The following DAB2IP variants were observed in gnomAD, a reference collection of about 807,000 sequenced individuals.
DAB2IP encodes the protein disabled homolog 2-interacting protein.
In DAB2IP, 28 loss-of-function variants were observed where a neutral mutation model predicts 107.2. The observed-to-expected ratio is 0.26, with a 90% confidence interval of 0.19 to 0.36. The LOEUF (loss-of-function observed/expected upper bound fraction) is 0.36. DAB2IP is among the 10% of genes least tolerant of loss of function. The pLI is 1.00. For synonymous variants in DAB2IP, 755 were observed against 706.4 expected, an observed-to-expected ratio of 1.07 and a Z score of -1.09; for missense variants, 1,400 against 1,644.7, an observed-to-expected ratio of 0.85 and a Z score of 2.57.
intron 1 of DAB2IP, among the ~76,000 whole-genome samples, chr9:121,573,993 A>G (rs1050848844): frequency 1.3e-5 from 2 of 152,116 alleles, no homozygotes; most frequent in South Asian, 2.1e-4. Context: ...TCAGCTGGCC[A>G]AGGCGAGAGG....
At chr9:121,730,920 G>A (rs1831497213) in intron 3 of DAB2IP, among the ~76,000 whole-genome samples, 3 of 152,216 alleles carry the variant, frequency 2.0e-5, no homozygotes, top group Admixed American at 2.0e-4. Flanking sequence ...TGTGCACCAT[G>A]TGCCAGGCAC....
chr9:121,706,515 A>G (rs946571713), intron 3 of DAB2IP, among the ~76,000 whole-genome samples: 1 of 151,724 alleles, frequency 6.6e-6, no homozygotes, highest in African/African-American at 2.4e-5. Context: ...TTGCTTGCAC[A>G]CCCCTTCCTT....
chr9:121,632,612 C>G (rs977212409), intron 1 of DAB2IP, among the ~76,000 whole-genome samples: 2 of 152,176 alleles, frequency 1.3e-5, no homozygotes, highest in African/African-American at 2.4e-5. Flanking sequence ...CTCCCACCCC[C>G]CAGGAAGGGT....
chr9:121,651,609 C>T lies in DAB2IP; in HGVS notation c.-167C>T, dbSNP rs1832740686. The T allele has an allele frequency of 9.9e-7, 1 of 1,009,542 alleles. No homozygotes were observed. Among genetic ancestry groups the T allele is most frequent in the Non-Finnish European group, 1.2e-6 (1 of 837,210 alleles). 62.5% of individuals were successfully genotyped at this position (1,009,542 alleles called of 1,614,324 possible). ...CGGCTGCTCGGGGAGCGGGAGGGGG[C>T]AGGAGGCGGAGGAGGAGTTTGAGCG... On this transcript the variant is annotated 5_prime_UTR_variant, in exon 1 of 16. Coordinates refer to ENST00000408936, the Ensembl canonical transcript of DAB2IP. This position sits in a 1 kb window ranked among gnomAD's most constrained non-coding sequence, Gnocchi z 5.1.
chr9:121,691,727 T>C (rs1589524252), intron 2 of DAB2IP, among the ~76,000 whole-genome samples: 1 of 152,142 alleles, frequency 6.6e-6, no homozygotes, highest in South Asian at 2.1e-4. Context: ...CATTAAGTGG[T>C]GGAATCCCCT....
chr9:121,770,461 G>A (rs1254706405), intron 10 of DAB2IP, 85 bp from the exon 11 acceptor site: 2 of 1,486,536 alleles, frequency 1.3e-6, no homozygotes, highest in Non-Finnish European at 1.8e-6. Context: ...CTCCGCAGTG[G>A]TTTTGAGCCA....
At chr9:121,571,978 G>T (rs1363275213) in intron 1 of DAB2IP, among the ~76,000 whole-genome samples, 1 of 137,784 alleles carries the variant, frequency 7.3e-6, no homozygotes, top group Non-Finnish European at 1.6e-5. Context: ...TGTAAATTGG[G>T]GTGACGGCCA....
chr9:121,740,217 G>A (rs1832238913), intron 3 of DAB2IP, among the ~76,000 whole-genome samples: 1 of 152,198 alleles, frequency 6.6e-6, no homozygotes, highest in Non-Finnish European at 1.5e-5. Context: ...AGCTGACCCA[G>A]TGGATCTCAG....
At chr9:121,579,687 A>G (rs1219665182) in intron 1 of DAB2IP, among the ~76,000 whole-genome samples, 2 of 152,130 alleles carry the variant, frequency 1.3e-5, no homozygotes, top group African/African-American at 4.8e-5. Flanking sequence ...GGCCTTGTCC[A>G]TCGATCTGTC....
At chr9:121,691,477 C>T (rs979171502) in intron 2 of DAB2IP, among the ~76,000 whole-genome samples, 2 of 149,930 alleles carry the variant, frequency 1.3e-5, no homozygotes, top group South Asian at 2.1e-4. Context: ...GCCGAGATCG[C>T]GCCACTGCAC....
At chr9:121,657,449 A>G (rs1044040228) in intron 1 of DAB2IP, among the ~76,000 whole-genome samples, 3 of 152,144 alleles carry the variant, frequency 2.0e-5, no homozygotes, top group Admixed American at 1.3e-4. Context: ...GCCCGGCCCC[A>G]TGCCAAGAGC....
At chr9:121,758,505 CCTTTAGGGAAAG>C (rs1482554291) in intron 4 of DAB2IP, among the ~76,000 whole-genome samples, 1 of 152,184 alleles carries the variant, frequency 6.6e-6, no homozygotes, top group African/African-American at 2.4e-5. Context: ...TGTGGTTCCG[CCTTTAGGGAAAG>C]TACGCTCGGG....
At chr9:121,715,927 C>T (rs1177733572) in intron 3 of DAB2IP, among the ~76,000 whole-genome samples, 1 of 152,160 alleles carries the variant, frequency 6.6e-6, no homozygotes. Context: ...TAAGGAGAGT[C>T]CAGGCATTTC....
intron 1 of DAB2IP, among the ~76,000 whole-genome samples, chr9:121,667,360 G>C (rs897177844): frequency 6.6e-6 from 1 of 151,844 alleles, no homozygotes; most frequent in African/African-American, 2.4e-5. Flanking sequence ...TTGGCTTCCT[G>C]CTCAGTTCAC....
rs115266772 is a variant in DAB2IP at position 121,660,321 on chromosome 9, G to C, written c.124+8422G>C. The stretch of plus-strand genomic sequence containing the variant: ...GCTCAGACTGGTTAAGTGACTTGCT[G>C]AGCATCACCCAGCTACTGAGTGGCA... On this transcript the variant is annotated intron_variant, in intron 1 of 15. Transcript: ENST00000408936. 6.6e-3 allele frequency among the ~76,000 whole-genome samples: 1,011 copies of C among 152,292 alleles called. 13 individuals carry two copies. The highest frequency in any genetic ancestry group is 0.023 in the African/African-American group (961 of 41,550).
At chr9:121,622,397 T>C (rs1308720360) in intron 1 of DAB2IP, among the ~76,000 whole-genome samples, 2 of 152,226 alleles carry the variant, frequency 1.3e-5, no homozygotes, top group Non-Finnish European at 2.9e-5. Context: ...CTAGGAAAAC[T>C]GCCTCTCAGG....
intron 14 of DAB2IP, among the ~76,000 whole-genome samples, chr9:121,779,423 A>G (rs1399229925): frequency 1.3e-5 from 2 of 152,188 alleles, no homozygotes; most frequent in African/African-American, 2.4e-5. Context: ...TATACTTGGT[A>G]ATTTTTGGTT....
At chr9:121,656,705 TGAG>T (rs910340166) in intron 1 of DAB2IP, among the ~76,000 whole-genome samples, 20 of 152,298 alleles carry the variant, frequency 1.3e-4, no homozygotes, top group African/African-American at 4.3e-4. Context: ...TGCCTGGCAA[TGAG>T]CTCAACTCTG....
intron 1 of DAB2IP, among the ~76,000 whole-genome samples, chr9:121,641,247 C>G (rs1172444851): frequency 6.6e-6 from 1 of 152,216 alleles, no homozygotes; most frequent in Non-Finnish European, 1.5e-5. Context: ...GGGGGCAGAG[C>G]TGGGATTGTT....
Sources: gnomAD v4.1 joint callset for allele counts (sites outside exome capture counted in the v4.1 genomes callset) on GRCh38, gnomAD v4.1.1 for gene constraint, Gnocchi (gnomAD v3.1) non-coding constraint, MANE v1.5 for transcripts, NCBI Gene and HGNC (gene_info 2026-07-23, HGNC 2026-07-21) for gene names.